MGST1: variants seen among roughly 807,000 people sequenced by gnomAD.
MGST1 encodes the protein glutathione S-transferase 12.
MGST1 carries 5 observed loss-of-function variants against 8.9 expected under a neutral mutation model. The observed-to-expected ratio is 0.56, with a 90% CI of 0.29 to 1.19. MGST1 has a LOEUF of 1.19. Ranked by LOEUF, MGST1 falls within the 50% of genes most tolerant of loss-of-function variation. The pLI is 0.08. For missense variants in MGST1, 182 were observed against 187.4 expected (o/e 0.97, Z 0.17); for synonymous variants, 54 against 67.8 (o/e 0.80, Z 1.00).
At chr12:16,490,143 G>A (rs964880108) in intron 4 of MGST1, among the ~76,000 whole-genome samples, 1 of 152,070 alleles carries the variant, frequency 6.6e-6, no homozygotes, top group African/African-American at 2.4e-5. Flanking sequence ...TGTGCCTATA[G>A]TCCTAGCTAC....
At chr12:16,509,948 G>C (rs1164725875) in intron 4 of MGST1, among the ~76,000 whole-genome samples, 1 of 152,130 alleles carries the variant, frequency 6.6e-6, no homozygotes, top group East Asian at 1.9e-4. Context: ...AGCTAATATA[G>C]CTCTCTTGAT....
intron 4 of MGST1, among the ~76,000 whole-genome samples, chr12:16,467,038 C>T (rs971267726): frequency 4.6e-5 from 7 of 151,914 alleles, no homozygotes; most frequent in African/African-American, 1.7e-4. Flanking sequence ...CAGGAAGCAG[C>T]ACAGACAGTG....
At chr12:16,409,462 A>G (rs188317171) in intron 1 of MGST1, among the ~76,000 whole-genome samples, 1 of 152,148 alleles carries the variant, frequency 6.6e-6, no homozygotes, top group Non-Finnish European at 1.5e-5. Context: ...CTGTGCATGC[A>G]GTGGGATTGT....
intron 4 of MGST1, among the ~76,000 whole-genome samples, chr12:16,493,081 T>C (rs1341030315): frequency 6.6e-6 from 1 of 152,166 alleles, no homozygotes. Flanking sequence ...TTGCAGAGAA[T>C]AGGGCAAGAT....
chr12:16,414,045 G>A (rs1476683721), intron 1 of MGST1, among the ~76,000 whole-genome samples: 1 of 149,964 alleles, frequency 6.7e-6, no homozygotes, highest in Non-Finnish European at 1.5e-5. Flanking sequence ...TAAGAGTTGG[G>A]ACCATCTGGT....
chr12:16,520,795 AC>A (rs1481499927), intron 4 of MGST1, among the ~76,000 whole-genome samples: 5 of 152,166 alleles, frequency 3.3e-5, no homozygotes, highest in Admixed American at 3.3e-4. Flanking sequence ...GCAGAAGGAA[AC>A]CATTTGGAAT....
At chr12:16,418,878 T>C (rs1940808034) in intron 1 of MGST1, among the ~76,000 whole-genome samples, 1 of 152,128 alleles carries the variant, frequency 6.6e-6, no homozygotes, top group Non-Finnish European at 1.5e-5. Context: ...CTGAATTTGA[T>C]CCATTTCAAG....
intron 4 of MGST1, among the ~76,000 whole-genome samples, chr12:16,499,521 T>C (rs978872239): frequency 1.3e-5 from 2 of 152,126 alleles, no homozygotes; most frequent in Non-Finnish European, 2.9e-5. Flanking sequence ...AAAAAAAGTT[T>C]CTCTGGCATT....
intron 4 of MGST1, among the ~76,000 whole-genome samples, chr12:16,478,741 T>G (rs1406535317): frequency 6.6e-6 from 1 of 152,016 alleles, no homozygotes; most frequent in Non-Finnish European, 1.5e-5. Context: ...TCCTTACCCC[T>G]CAAAAAAACA....
At chr12:16,471,814 G>GA (rs1038730215) in intron 4 of MGST1, among the ~76,000 whole-genome samples, 52 of 152,126 alleles carry the variant, frequency 3.4e-4, no homozygotes, top group African/African-American at 1.1e-3. Context: ...CAATGTTGTG[G>GA]AAAAAATATT....
intron 4 of MGST1, among the ~76,000 whole-genome samples, chr12:16,568,731 C>T (rs1942705372): frequency 6.6e-6 from 1 of 152,168 alleles, no homozygotes; most frequent in African/African-American, 2.4e-5. Context: ...GCTACTTTGG[C>T]TACTAGAAAT....
intron 4 of MGST1, among the ~76,000 whole-genome samples, chr12:16,518,487 C>T (rs1941628316): frequency 6.6e-6 from 1 of 152,094 alleles, no homozygotes; most frequent in Non-Finnish European, 1.5e-5. Context: ...AAAATGATTG[C>T]ACTTATTTGT....
At chr12:16,402,154 TGGCAATTTGTTTCA>T (rs1940661143) in intron 1 of MGST1, 1 of 1,540,182 alleles carries the variant, frequency 6.5e-7, no homozygotes, top group East Asian at 2.2e-5. Flanking sequence ...CCCTTAGTGT[TGGCAATTTGTTTCA>T]AAAACTCCAC....
chr12:16,471,230 T>TG (rs1415874727), intron 4 of MGST1, among the ~76,000 whole-genome samples: 11 of 152,244 alleles, frequency 7.2e-5, no homozygotes, highest in African/African-American at 9.6e-5. Context: ...TCAGACCATT[T>TG]GTCTGTCTTG....
intron 4 of MGST1, among the ~76,000 whole-genome samples, chr12:16,488,712 A>C (rs1941416524): frequency 6.6e-6 from 1 of 152,160 alleles, no homozygotes; most frequent in Non-Finnish European, 1.5e-5. Flanking sequence ...AAATAAAATA[A>C]AATTACATGA....
chr12:16,372,959 CATATTAT>C (rs1320921960), intron 3 of MGST1, among the ~76,000 whole-genome samples: 2 of 128,092 alleles, frequency 1.6e-5, no homozygotes, highest in Non-Finnish European at 3.3e-5. Context: ...TTACATATTA[CATATTAT>C]ATATTACATA....
rs952614090 is a variant in MGST1 at position 16,413,353 on chromosome 12, C to T, written n.779-24035C>T. On this transcript the variant is annotated intron_variant and non_coding_transcript_variant, in intron 1 of 1. Transcript: ENST00000359720. The surrounding 1 kb of genome is among the most constrained non-coding windows in gnomAD (Gnocchi z 4.0). ...CACAACTGCCTGCATGTCCATGAAT[C>T]CTGCAGCAAAAAAGACATCTGTTCA... Among the ~76,000 whole-genome samples the T allele has an allele frequency of 4.6e-5, 7 of 152,120 alleles. No homozygotes were observed. Among genetic ancestry groups the T allele is most frequent in the African/African-American group, 1.2e-4 (5 of 41,426 alleles).
At chr12:16,394,118 G>C (rs994372249) in intron 1 of MGST1, among the ~76,000 whole-genome samples, 3 of 152,162 alleles carry the variant, frequency 2.0e-5, no homozygotes, top group Admixed American at 2.0e-4. Flanking sequence ...TGGCATTAAA[G>C]AACACTTCCA....
At chr12:16,360,956 C>T (rs1172531209) in intron 3 of MGST1, among the ~76,000 whole-genome samples, 3 of 151,392 alleles carry the variant, frequency 2.0e-5, no homozygotes, top group African/African-American at 7.3e-5. Context: ...AACTGGGTTC[C>T]TGACCCTCAG....
Sources: gnomAD v4.1 joint callset for allele counts (sites outside exome capture counted in the v4.1 genomes callset) on GRCh38, gnomAD v4.1.1 for gene constraint, Gnocchi (gnomAD v3.1) non-coding constraint, MANE v1.5 for transcripts, NCBI Gene and HGNC (gene_info 2026-07-23, HGNC 2026-07-21) for gene names.